DACH2: variants seen among roughly 807,000 people sequenced by gnomAD.
DACH2 encodes the protein dachshund homolog 2.
DACH2 carries 17 observed loss-of-function variants against 35.8 expected under a neutral mutation model. The observed-to-expected ratio is 0.48, with a 90% CI of 0.33 to 0.71. The LOEUF (loss-of-function observed/expected upper bound fraction) is 0.71, where lower values mean the gene tolerates loss of function less well. Ranked by LOEUF, DACH2 falls within the 30% of genes least tolerant of loss-of-function variation. The pLI is 0.02. For synonymous variants in DACH2, 195 were observed against 177.3 expected (o/e 1.10, Z -0.79); for missense variants, 469 against 472.7 (o/e 0.99, Z 0.07).
intron 3 of DACH2, among the ~76,000 whole-genome samples, chrX:86,531,025 G>T: frequency 1.8e-5 from 2 of 111,933 alleles, no homozygotes; most frequent in Middle Eastern, 4.7e-3. Context: ...ACTTAAAAGA[G>T]ATTATTTAGG....
At chrX:86,413,040 A>G (rs1319726618) in intron 2 of DACH2, among the ~76,000 whole-genome samples, 9 of 111,552 alleles carry the variant, frequency 8.1e-5, no homozygotes, top group Non-Finnish European at 1.7e-4. Context: ...TTCACTTTAG[A>G]AGGAATATCT....
In DACH2 at chrX:86,489,227, T is replaced by G. The variant is rs145134363; in HGVS notation, c.528-25052T>G. ...CATATTTCCTATTGCACCTCATTCA[T>G]ATCACCTGAGATTGGACTTTGTATC... On this transcript the variant is annotated intron_variant, in intron 2 of 11. Transcript: ENST00000373125. Among the ~76,000 whole-genome samples, 557 of 110,946 alleles carry G rather than the reference T, an allele frequency of 5.0e-3. 5 individuals are homozygous for G. Among genetic ancestry groups the G allele is most frequent in the African/African-American group, 0.017 (528 of 30,668 alleles).
chrX:86,311,145 A>G (rs1029230497), intron 1 of DACH2, among the ~76,000 whole-genome samples: 20 of 112,033 alleles, frequency 1.8e-4, no homozygotes, highest in African/African-American at 6.2e-4. Context: ...TCCATCATGG[A>G]AAGAACAAAG....
chrX:86,738,384 TG>T (rs1287772358), intron 6 of DACH2, among the ~76,000 whole-genome samples: 1 of 112,130 alleles, frequency 8.9e-6, no homozygotes, highest in Non-Finnish European at 1.9e-5. Flanking sequence ...GGGCTTCTCA[TG>T]CAAAATCAAT....
chrX:86,816,964 T>C (rs1220525186), intron 11 of DACH2, among the ~76,000 whole-genome samples: 2 of 112,230 alleles, frequency 1.8e-5, no homozygotes, highest in Non-Finnish European at 3.8e-5. Flanking sequence ...AGTGCCTTTC[T>C]CCTATGTGAT....
chrX:86,290,736 T>C lies in DACH2; in HGVS notation c.489-86088T>C, dbSNP rs1410489742. Among the ~76,000 whole-genome samples, 13 of 96,923 alleles carry C rather than the reference T, an allele frequency of 1.3e-4. No homozygotes were observed. In the East Asian group the frequency reaches 4.1e-3, roughly 30 times the overall value. 84.2% of individuals were successfully genotyped at this position (96,923 alleles called of 115,157 possible). A position where few individuals can be genotyped will look rare whatever the true frequency, so the allele number is the denominator to read the frequency against. ...TTGTCAAAGATCAGATAGTTGTAGA[T>C]ATGCAGCATTATTTCTGAGGGCTCT... On this transcript the variant is annotated intron_variant, in intron 1 of 11. Coordinates refer to ENST00000373125, the MANE Select transcript of DACH2 (RefSeq NM_053281.3).
At chrX:86,537,111 C>T (rs1380170968) in intron 3 of DACH2, among the ~76,000 whole-genome samples, 2 of 111,270 alleles carry the variant, frequency 1.8e-5, no homozygotes, top group African/African-American at 6.5e-5. Flanking sequence ...TCCTTGCATT[C>T]TGTGTAATTG....
intron 1 of DACH2, among the ~76,000 whole-genome samples, chrX:86,243,487 A>G (rs1447966061): frequency 6.3e-5 from 7 of 111,942 alleles, no homozygotes; most frequent in Non-Finnish European, 1.3e-4. Context: ...CATAGTGAAG[A>G]GATAGTTTCT....
chrX:86,534,787 C>T (rs1160899190), intron 3 of DACH2, among the ~76,000 whole-genome samples: 5 of 111,375 alleles, frequency 4.5e-5, no homozygotes, highest in South Asian at 3.7e-4. Context: ...GGATTGTATA[C>T]TCTCTCAGTT....
At chrX:86,680,353 G>T (rs1282106173) in intron 4 of DACH2, among the ~76,000 whole-genome samples, 1 of 111,809 alleles carries the variant, frequency 8.9e-6, no homozygotes, top group African/African-American at 3.2e-5. Flanking sequence ...GAAAACTGCA[G>T]CTAAACTATT....
chrX:86,705,028 T>G (rs758447109), intron 5 of DACH2, among the ~76,000 whole-genome samples: 22 of 34,910 alleles, frequency 6.3e-4, no homozygotes, highest in African/African-American at 3.6e-3. Context: ...ACAGAAATTG[T>G]TATATATATA....
intron 4 of DACH2, among the ~76,000 whole-genome samples, chrX:86,675,362 T>C (rs2040813873): frequency 8.9e-6 from 1 of 111,798 alleles, no homozygotes; most frequent in South Asian, 3.7e-4. Context: ...TCTATGATTC[T>C]ATCCATTTAT....
chrX:86,181,734 G>A (rs771731089), intron 1 of DACH2, among the ~76,000 whole-genome samples: 6 of 111,265 alleles, frequency 5.4e-5, no homozygotes, highest in African/African-American at 1.6e-4. Flanking sequence ...TGGTATTTCT[G>A]GTTCTAGATT....
At chrX:86,398,752 A>G (rs2036355317) in intron 2 of DACH2, among the ~76,000 whole-genome samples, 1 of 112,114 alleles carries the variant, frequency 8.9e-6, no homozygotes, top group African/African-American at 3.2e-5. Flanking sequence ...GTCATCTGAG[A>G]GACAGTTTGT....
At chrX:86,195,240 C>A (rs765150351) in intron 1 of DACH2, among the ~76,000 whole-genome samples, 1 of 112,247 alleles carries the variant, frequency 8.9e-6, no homozygotes, top group East Asian at 2.8e-4. Flanking sequence ...CCCTCACCAA[C>A]TGCCATTGCA....
Position 86,292,367 on chromosome X carries a change from A to C in DACH2, c.489-84457A>C, listed in dbSNP as rs1249089666. On this transcript the variant is annotated intron_variant, in intron 1 of 11. Transcript: ENST00000373125. The stretch of plus-strand genomic sequence containing the variant: ...GTCTATCAATTTTGTTGATCCATTC[A>C]AAAAACCAGCTCCTGGATTCATTAA... Among the ~76,000 whole-genome samples, 112 of 94,727 alleles carry C rather than the reference A, an allele frequency of 1.2e-3. 2 individuals carry two copies. The Admixed American group carries it at 0.012, about 11-fold the overall frequency. 82.3% of individuals were successfully genotyped at this position (94,727 alleles called of 115,157 possible).
At chrX:86,235,684 ATTACT>A (rs1291047860) in intron 1 of DACH2, among the ~76,000 whole-genome samples, 2 of 112,264 alleles carry the variant, frequency 1.8e-5, no homozygotes, top group Non-Finnish European at 3.8e-5. Context: ...ACTCTAGAAA[ATTACT>A]TTAAGGCTAT....
At chrX:86,250,137 A>G (rs1369598478) in intron 1 of DACH2, among the ~76,000 whole-genome samples, 1 of 111,293 alleles carries the variant, frequency 9.0e-6, no homozygotes, top group Admixed American at 9.6e-5. Flanking sequence ...TAATCTGTAC[A>G]CCAAACCCCT....
intron 2 of DACH2, among the ~76,000 whole-genome samples, chrX:86,497,810 A>G (rs898966892): frequency 3.6e-5 from 4 of 110,969 alleles, no homozygotes; most frequent in African/African-American, 1.3e-4. Flanking sequence ...CTTGGCCAAC[A>G]TGGCAAAACC....
Sources: gnomAD v4.1 joint callset for allele counts (sites outside exome capture counted in the v4.1 genomes callset) on GRCh38, gnomAD v4.1.1 for gene constraint, MANE v1.5 for transcripts, NCBI Gene and HGNC (gene_info 2026-07-23, HGNC 2026-07-21) for gene names.